The following JAM2 variants were observed in gnomAD, a reference collection of about 807,000 sequenced individuals.
JAM2 encodes the protein junctional adhesion molecule 2, also known as junctional adhesion molecule B.
In JAM2, 17 loss-of-function variants were observed where a neutral mutation model predicts 42.0. The observed-to-expected ratio is 0.40, with a 90% CI of 0.28 to 0.61. The LOEUF (loss-of-function observed/expected upper bound fraction) is 0.61, where lower values mean the gene tolerates loss of function less well. JAM2 is among the 20% of genes least tolerant of loss of function. The pLI is 0.37. For missense variants in JAM2, 319 were observed against 358.3 expected, an observed-to-expected ratio of 0.89 and a Z score of 0.89; for synonymous variants, 118 against 128.6, an observed-to-expected ratio of 0.92 and a Z score of 0.56.
At chr21:25,688,270 G>GTGTGTA (rs1601036471) in intron 2 of JAM2, among the ~76,000 whole-genome samples, 1 of 151,824 alleles carries the variant, frequency 6.6e-6, no homozygotes, top group African/African-American at 2.4e-5. Flanking sequence ...GTGTGTGTGT[G>GTGTGTA]TATGTGTGTG....
chr21:25,715,765 A>C lies in JAM2; in HGVS notation c.*1093A>C, dbSNP rs969762254. 1 of 152,198 alleles carries C rather than the reference A, an allele frequency of 6.6e-6. No homozygotes were observed. Among genetic ancestry groups the C allele is most frequent in the Non-Finnish European group, 1.5e-5 (1 of 68,030 alleles). The allele number at this position is 152,198 out of a possible 1,614,324, so 9.4% of individuals were successfully genotyped here. ...GGGTTTCTCAACCGATGAACCACAA[A>C]AGCTTCCAGCTACTATTACAATGTG... On this transcript the variant is annotated 3_prime_UTR_variant, in exon 10 of 10. Transcript: ENST00000480456.
At chr21:25,690,993 G>C (rs537151900) in intron 3 of JAM2, among the ~76,000 whole-genome samples, 1 of 152,238 alleles carries the variant, frequency 6.6e-6, no homozygotes, top group South Asian at 2.1e-4. Flanking sequence ...GATGAAACAA[G>C]ATAAACCATG....
intron 1 of JAM2, among the ~76,000 whole-genome samples, chr21:25,667,355 C>T (rs1321400449): frequency 1.3e-5 from 2 of 152,188 alleles, no homozygotes; most frequent in Non-Finnish European, 2.9e-5. Context: ...TAGCCTAATG[C>T]TACCTCACGA....
At chr21:25,646,974 C>T (rs766750266) in intron 1 of JAM2, among the ~76,000 whole-genome samples, 4 of 152,120 alleles carry the variant, frequency 2.6e-5, no homozygotes, top group South Asian at 2.1e-4. Flanking sequence ...TAATTTAGGA[C>T]GGGCTTGTCT....
chr21:25,639,724 C>T lies in JAM2; in HGVS notation c.-98C>T. ...CTTCCTCCCCTCCCGACTCTCTGCTCCTTTCCCGCCCCAGAAGTTCAAGGG... is the reference window on the plus strand; with the variant it reads ...CTTCCTCCCCTCCCGACTCTCTGCTTCTTTCCCGCCCCAGAAGTTCAAGGG... On this transcript the variant is annotated 5_prime_UTR_variant, in exon 1 of 10. Coordinates refer to ENST00000480456, the MANE Select transcript of JAM2 (RefSeq NM_021219.4). 1.4e-6 allele frequency: 1 copy of T among 730,842 alleles called. No individual in the cohort carries two copies. Among genetic ancestry groups the T allele is most frequent in the Non-Finnish European group, 2.3e-6 (1 of 442,852 alleles). 45.3% of individuals were successfully genotyped at this position (730,842 alleles called of 1,614,324 possible).
rs1009215250 is a variant in JAM2, at chr21:25,639,562, C to T, written c.-260C>T. The T allele has an allele frequency of 7.9e-6, 3 of 381,210 alleles. No individual in the cohort carries two copies. The highest frequency in any genetic ancestry group is 6.3e-5 in the African/African-American group (3 of 47,942). The allele number at this position is 381,210 out of a possible 1,614,324, so 23.6% of individuals were successfully genotyped here. A position where few individuals can be genotyped will look rare whatever the true frequency, so the allele number is the denominator to read the frequency against. On this transcript the variant is annotated 5_prime_UTR_variant, in exon 1 of 10. Transcript: ENST00000480456. Reference sequence around the variant, plus strand: ...CGGACGCCTCGTCTGGTTTTCACGCCCTCTAGCCCCTACCCCCACACCCCC... The same window carrying T: ...CGGACGCCTCGTCTGGTTTTCACGCTCTCTAGCCCCTACCCCCACACCCCC...
intron 1 of JAM2, among the ~76,000 whole-genome samples, chr21:25,672,119 CTT>C (rs1041482071): frequency 1.4e-5 from 2 of 145,772 alleles, no homozygotes; most frequent in African/African-American, 2.5e-5. Flanking sequence ...TTCTTTCTTT[CTT>C]TTTTTTTTTG....
chr21:25,672,676 C>T, intron 1 of JAM2, among the ~76,000 whole-genome samples: 1 of 152,194 alleles, frequency 6.6e-6, no homozygotes, highest in East Asian at 1.9e-4. Context: ...TGCACCATCT[C>T]TGCTGTAGAG....
At chr21:25,668,990 A>G (rs1396398285) in intron 1 of JAM2, among the ~76,000 whole-genome samples, 2 of 152,206 alleles carry the variant, frequency 1.3e-5, no homozygotes, top group African/African-American at 2.4e-5. Context: ...GGTTTTAACT[A>G]TCCAAAACAT....
At position 25,674,068 on chromosome 21, in the gene JAM2, T is replaced by C. The variant is rs142762630; in HGVS notation, c.68-9815T>C. On this transcript the variant is annotated intron_variant, in intron 1 of 9. Transcript: ENST00000480456. ...TGAGGCCTCCCCAGCCACATGGAACTGTGAGTCCATTAAACCTCTTTCCTT... is the reference window on the plus strand; with the variant it reads ...TGAGGCCTCCCCAGCCACATGGAACCGTGAGTCCATTAAACCTCTTTCCTT... Among the ~76,000 whole-genome samples the C allele has an allele frequency of 6.5e-3, 997 of 152,340 alleles. 5 individuals are homozygous for C. Among genetic ancestry groups the C allele is most frequent in the Non-Finnish European group, 0.011 (742 of 68,032 alleles).
intron 4 of JAM2, among the ~76,000 whole-genome samples, chr21:25,695,887 G>A (rs1369574554): frequency 6.6e-6 from 1 of 150,866 alleles, no homozygotes; most frequent in Non-Finnish European, 1.5e-5. Flanking sequence ...GGGAAGAGGC[G>A]CTCCTCACTT....
At chr21:25,681,184 T>G (rs2123364452) in intron 1 of JAM2, among the ~76,000 whole-genome samples, 1 of 152,312 alleles carries the variant, frequency 6.6e-6, no homozygotes, top group African/African-American at 2.4e-5. Context: ...GTATAATTTT[T>G]TGGGTGAATA....
At chr21:25,714,175 A>G in intron 9 of JAM2, 1 of 1,302,052 alleles carries the variant, frequency 7.7e-7, no homozygotes, top group Non-Finnish European at 1.0e-6. Context: ...GCTAGGAGTT[A>G]GTTAGTTAAT....
At chr21:25,655,481 C>T (rs528488381) in intron 1 of JAM2, among the ~76,000 whole-genome samples, 93 of 135,926 alleles carry the variant, frequency 6.8e-4, no homozygotes, top group African/African-American at 2.7e-3. Flanking sequence ...GAAACATCAG[C>T]TCTTTTTTTT....
chr21:25,706,345 C>A (rs1026836421), intron 7 of JAM2, among the ~76,000 whole-genome samples: 1 of 152,124 alleles, frequency 6.6e-6, no homozygotes, highest in African/African-American at 2.4e-5. Context: ...ACACACCCAG[C>A]TCATCTTTGT....
In JAM2 at chr21:25,683,404, T is replaced by TTA. The variant is rs199744173; in HGVS notation, c.68-468_68-467dup. Among the ~76,000 whole-genome samples the TTA allele has an allele frequency of 3.8e-4, 57 of 151,972 alleles. 3 individuals carry two copies. Among genetic ancestry groups the TTA allele is most frequent in the African/African-American group, 1.3e-3 (54 of 41,464 alleles). On this transcript the variant is annotated intron_variant, in intron 1 of 9. Transcript: ENST00000480456. The stretch of plus-strand genomic sequence containing the variant: ...TTCATATACAGCTTATATACATTTA[T>TTA]TATATATATATACAAATTTCATCAA...
intron 1 of JAM2, among the ~76,000 whole-genome samples, chr21:25,654,129 A>G (rs759861432): frequency 9.9e-5 from 15 of 152,216 alleles, no homozygotes; most frequent in South Asian, 2.1e-4. Flanking sequence ...ACATAGCCTT[A>G]ACTTAGAAGG....
intron 2 of JAM2, among the ~76,000 whole-genome samples, chr21:25,685,619 CTTAAGTTCTAACATTT>C (rs1041362496): frequency 1.3e-5 from 2 of 150,404 alleles, no homozygotes; most frequent in Non-Finnish European, 3.0e-5. Context: ...ACTAAGTTCT[CTTAAGTTCTAACATTT>C]TATATGCTTA....
intron 1 of JAM2, among the ~76,000 whole-genome samples, chr21:25,650,710 C>T (rs2829841): frequency 0.21 from 32,408 of 151,898 alleles, 4,056 homozygotes; most frequent in African/African-American, 0.34. Context: ...AATACACTAA[C>T]GGGGCAGAAA....
Sources: gnomAD v4.1 joint callset for allele counts (sites outside exome capture counted in the v4.1 genomes callset) on GRCh38, gnomAD v4.1.1 for gene constraint, MANE v1.5 for transcripts, NCBI Gene and HGNC (gene_info 2026-07-23, HGNC 2026-07-21) for gene names.